Variants in C3orf49 observed in about 807,000 individuals in gnomAD.
C3orf49 encodes the protein chromosome 3 open reading frame 49, also known as putative uncharacterized protein C3orf49.
In C3orf49, 27 loss-of-function variants were observed where a neutral mutation model predicts 13.3. That is an observed-to-expected ratio of 2.02 (90% CI 1.49 to 2.79). The LOEUF is 2.79. C3orf49 is among the 30% of genes most tolerant of loss of function. The pLI is 0.00. For missense variants in C3orf49, 242 were observed against 134.2 expected, an observed-to-expected ratio of 1.80 and a Z score of -3.97; for synonymous variants, 87 against 47.6, an observed-to-expected ratio of 1.83 and a Z score of -3.40.
the C3orf49 span, among the ~76,000 whole-genome samples, chr3:63,811,015 A>C: frequency 6.6e-6 from 1 of 152,074 alleles, no homozygotes; most frequent in East Asian, 2.0e-4. Flanking sequence ...CACCTGAGTA[A>C]TTTTGTATTT....
At chr3:63,842,062 A>G (rs1701772305) in intron 5 of C3orf49, among the ~76,000 whole-genome samples, 1 of 152,198 alleles carries the variant, frequency 6.6e-6, no homozygotes, top group Admixed American at 6.5e-5. Context: ...TGAGAGGAAA[A>G]AATATTAATA....
intron 3 of C3orf49, among the ~76,000 whole-genome samples, chr3:63,828,947 C>A (rs886334661): frequency 1.3e-5 from 2 of 152,136 alleles, no homozygotes; most frequent in African/African-American, 4.8e-5. Context: ...CATGTCACCA[C>A]CTATGTTAAT....
At chr3:63,780,601 C>T in the C3orf49 span, among the ~76,000 whole-genome samples, 4 of 152,158 alleles carry the variant, frequency 2.6e-5, no homozygotes, top group Admixed American at 2.6e-4. Flanking sequence ...TACAGACAGT[C>T]CCACCAACAG....
chr3:63,839,182 T>C (rs913215950), intron 5 of C3orf49, among the ~76,000 whole-genome samples: 3 of 152,044 alleles, frequency 2.0e-5, no homozygotes, highest in African/African-American at 7.2e-5. Context: ...AGAATGAGAC[T>C]CTGTCTCACA....
intron 5 of C3orf49, among the ~76,000 whole-genome samples, chr3:63,839,375 T>A (rs1701706068): frequency 6.6e-6 from 1 of 152,136 alleles, no homozygotes; most frequent in African/African-American, 2.4e-5. Context: ...ATTTAGATAT[T>A]TTATCTTACT....
intron 5 of C3orf49, among the ~76,000 whole-genome samples, chr3:63,844,732 T>C (rs550987460): frequency 2.0e-5 from 3 of 152,180 alleles, no homozygotes; most frequent in Non-Finnish European, 4.4e-5. Context: ...GTGATACCTT[T>C]TGCCATGTTA....
At chr3:63,810,253 C>A in the C3orf49 span, among the ~76,000 whole-genome samples, 3 of 152,058 alleles carry the variant, frequency 2.0e-5, no homozygotes, top group South Asian at 6.2e-4. Context: ...ATTTCCCACC[C>A]CTGCAGACAC....
At chr3:63,815,072 C>A (rs937880680), upstream of C3orf49, among the ~76,000 whole-genome samples, 1 of 152,140 alleles carries the variant, frequency 6.6e-6, no homozygotes, top group Non-Finnish European at 1.5e-5. Flanking sequence ...CCAGATCTTG[C>A]AAGAACTCAC....
the C3orf49 span, among the ~76,000 whole-genome samples, chr3:63,796,446 C>G: frequency 6.6e-6 from 1 of 152,176 alleles, no homozygotes; most frequent in African/African-American, 2.4e-5. Context: ...CTGGCTACAT[C>G]TCCAATGTCT....
chr3:63,780,103 TA>T, the C3orf49 span: 2 of 152,286 alleles, frequency 1.3e-5, no homozygotes, highest in African/African-American at 4.8e-5. Context: ...ACTCGTCATT[TA>T]ACATTAGGTA....
chr3:63,783,733 T>TA, the C3orf49 span, among the ~76,000 whole-genome samples: 236 of 148,906 alleles, frequency 1.6e-3, 1 homozygote, highest in African/African-American at 5.8e-3. Flanking sequence ...AAAATTAAAT[T>TA]AATTAATTCA....
At chr3:63,801,787 T>C in the C3orf49 span, among the ~76,000 whole-genome samples, 39 of 152,234 alleles carry the variant, frequency 2.6e-4, 1 homozygote, top group African/African-American at 9.1e-4. Flanking sequence ...TGTAGACATA[T>C]CCACTTCAAG....
Position 63,823,440 on chromosome 3 carries a change from A to G in C3orf49, c.316A>G (p.Ser106Gly). 1.4e-6 allele frequency: 1 copy of G among 703,296 alleles called. No individual in the cohort carries two copies. The highest frequency in any genetic ancestry group is 1.5e-5 in the South Asian group (1 of 67,606). 43.6% of individuals were successfully genotyped at this position (703,296 alleles called of 1,614,324 possible). The stretch of plus-strand genomic sequence containing the variant: ...GTATAGAAGCAAGCCAGCATGTGCC[A>G]GCCAAGAGGGCTCCACTGACCATAA... ...YKYRSKPACA[S>G]QEGSTDHKEA... The change falls in exon 2 of 7, where the codon AGC (serine) becomes GGC (glycine). Residue 106 changes from serine (S) to glycine (G), a missense_variant. Coordinates refer to ENST00000295896, the MANE Select transcript of C3orf49 (RefSeq NM_001355236.2).
chr3:63,812,015 A>G, the C3orf49 span, among the ~76,000 whole-genome samples: 1 of 151,596 alleles, frequency 6.6e-6, no homozygotes, highest in Admixed American at 6.6e-5. Flanking sequence ...TGGGAGTGGT[A>G]GCGACTGCGG....
At chr3:63,788,659 C>A in the C3orf49 span, among the ~76,000 whole-genome samples, 1 of 150,032 alleles carries the variant, frequency 6.7e-6, no homozygotes, top group Non-Finnish European at 1.5e-5. Flanking sequence ...GTCGTTCTTT[C>A]TTTCTTTAAC....
chr3:63,835,032 C>T (rs1027001546), intron 5 of C3orf49: 14 of 943,014 alleles, frequency 1.5e-5, no homozygotes, highest in African/African-American at 3.3e-5. Context: ...TAACGTCATC[C>T]AGCTACACTG....
chr3:63,847,614 G>A (rs1196231308), intron 6 of C3orf49, among the ~76,000 whole-genome samples: 3 of 152,152 alleles, frequency 2.0e-5, no homozygotes, highest in Non-Finnish European at 4.4e-5. Flanking sequence ...TTGCGTGCCT[G>A]TAATCCCAGC....
chr3:63,834,648 A>G (rs1701591120), intron 5 of C3orf49, among the ~76,000 whole-genome samples: 1 of 151,708 alleles, frequency 6.6e-6, no homozygotes, highest in Non-Finnish European at 1.5e-5. Flanking sequence ...TGACAGAGCA[A>G]GACTGTCTTA....
chr3:63,816,892 C>T (rs951148679), upstream of C3orf49, among the ~76,000 whole-genome samples: 2 of 149,616 alleles, frequency 1.3e-5, no homozygotes, highest in Admixed American at 6.8e-5. Context: ...CCTGCCTCAA[C>T]CTCCTGAGTA....
Sources: gnomAD v4.1 joint callset for allele counts (sites outside exome capture counted in the v4.1 genomes callset) on GRCh38, gnomAD v4.1.1 for gene constraint, MANE v1.5 for transcripts, NCBI Gene and HGNC (gene_info 2026-07-23, HGNC 2026-07-21) for gene names.